Variants in SMYD1 observed in about 807,000 individuals in gnomAD.
SMYD1 encodes the protein SET and MYND domain containing 1, also known as histone-lysine N-methyltransferase SMYD1.
A neutral mutation model predicts 54.0 loss-of-function variants in SMYD1; 49 were observed. That is an observed-to-expected ratio of 0.91 (90% CI 0.72 to 1.15). SMYD1 has a LOEUF of 1.15. Ranked by LOEUF, SMYD1 falls within the 50% of genes most tolerant of loss-of-function variation. The probability of loss-of-function intolerance (pLI) is 0.00; values close to 1 mark genes in which losing one functional copy is unlikely to be tolerated. For synonymous variants in SMYD1, 269 were observed against 234.2 expected (o/e 1.15, Z -1.36); for missense variants, 653 against 639.6 (o/e 1.02, Z -0.23).
At chr2:88,098,582 T>C (rs1200275017) in intron 6 of SMYD1, among the ~76,000 whole-genome samples, 1 of 152,126 alleles carries the variant, frequency 6.6e-6, no homozygotes, top group Non-Finnish European at 1.5e-5. Flanking sequence ...ATTGAGTATA[T>C]CTTTTTAAAA....
At position 88,084,784 on chromosome 2, in the gene SMYD1, C is replaced by T. The variant is rs539253346; in HGVS notation, c.314+292C>T. Among the ~76,000 whole-genome samples, 6 of 152,252 alleles carry T rather than the reference C, an allele frequency of 3.9e-5. No individual in the cohort carries two copies. The East Asian group carries it at 1.2e-3, about 30-fold the overall frequency. On this transcript the variant is annotated intron_variant, in intron 2 of 9. Transcript: ENST00000419482. ...AGGTATTTTGGATACAGGGTCTGCT[C>T]TGTTGCCCAGGTTGGAGTGGAGGGG...
intron 1 of SMYD1, among the ~76,000 whole-genome samples, chr2:88,084,064 C>T (rs963756051): frequency 2.0e-5 from 3 of 151,956 alleles, no homozygotes; most frequent in Admixed American, 2.0e-4. Context: ...GAGCTGAGAT[C>T]GTGCCATTGC....
chr2:88,107,388 T>G (rs1674901562), intron 8 of SMYD1, among the ~76,000 whole-genome samples: 1 of 152,190 alleles, frequency 6.6e-6, no homozygotes, highest in South Asian at 2.1e-4. Context: ...AAGGAAGCCC[T>G]GCAAAAGGGT....
chr2:88,092,403 T>C (rs1405487681), intron 4 of SMYD1, among the ~76,000 whole-genome samples: 1 of 152,152 alleles, frequency 6.6e-6, no homozygotes, highest in Non-Finnish European at 1.5e-5. Context: ...GCAATATTAA[T>C]TGCTTTTGCT....
At chr2:88,091,827 G>T (rs1209973882) in intron 4 of SMYD1, among the ~76,000 whole-genome samples, 1 of 152,216 alleles carries the variant, frequency 6.6e-6, no homozygotes, top group South Asian at 2.1e-4. Context: ...TCATGCCACT[G>T]CACTCCAGCT....
At chr2:88,068,565 A>T (rs550281099) in intron 1 of SMYD1, among the ~76,000 whole-genome samples, 14 of 150,484 alleles carry the variant, frequency 9.3e-5, no homozygotes, top group Non-Finnish European at 1.9e-4. Flanking sequence ...GTGCTATTAC[A>T]TACATATATC....
rs758256246 is a variant in SMYD1 at position 88,067,825 on chromosome 2, A to G, written c.-40A>G. 9.4e-6 allele frequency: 15 copies of G among 1,597,768 alleles called. No homozygotes were observed. The highest frequency in any genetic ancestry group is 5.1e-6 in the Non-Finnish European group (6 of 1,171,758). On this transcript the variant is annotated 5_prime_UTR_variant, in exon 1 of 10. Transcript: ENST00000419482. ...ATAGCAATGACAAGAGACTTGGCTCAGTGTTAAATAACTGCCGCGCTGGCC... is the reference window on the plus strand; with the variant it reads ...ATAGCAATGACAAGAGACTTGGCTCGGTGTTAAATAACTGCCGCGCTGGCC...
chr2:88,080,805 TA>T (rs1674171911), intron 1 of SMYD1, among the ~76,000 whole-genome samples: 1 of 152,176 alleles, frequency 6.6e-6, no homozygotes, highest in African/African-American at 2.4e-5. Flanking sequence ...TTTGGAATGC[TA>T]CCTTGAAAAC....
In SMYD1 at chr2:88,103,216, A is replaced by AG. The variant is rs1024715260; in HGVS notation, c.981+69dup. The AG allele has an allele frequency of 7.1e-5, 78 of 1,092,188 alleles. No individual in the cohort carries two copies. In the African/African-American group the frequency reaches 1.2e-3, roughly 17 times the overall value. 67.7% of individuals were successfully genotyped at this position (1,092,188 alleles called of 1,614,324 possible). ...GGGTGGAAACATTCTCCAGTAAGGG[A>AG]GGGAAGTGGCGTGAGAACGGGCGGC... On this transcript the variant is annotated intron_variant, in intron 7 of 9. Transcript: ENST00000419482.
chr2:88,107,223 A>G (rs1264662815), intron 8 of SMYD1, among the ~76,000 whole-genome samples: 2 of 152,092 alleles, frequency 1.3e-5, no homozygotes, highest in Non-Finnish European at 2.9e-5. Flanking sequence ...GTAAAATTCA[A>G]TTCCCTTGCC....
chr2:88,091,689 A>C (rs1019180890), intron 4 of SMYD1, among the ~76,000 whole-genome samples: 4 of 152,166 alleles, frequency 2.6e-5, no homozygotes. Context: ...ATCTATAAAA[A>C]ATAAATAAAT....
In SMYD1 at chr2:88,085,417, C is replaced by T. The variant is rs115201580; in HGVS notation, c.314+925C>T. ...CAGTGCTGGGCTGCAGGGAGATGCT[C>T]AGGAAGCCAGCACTGCAGAGCAAAG... On this transcript the variant is annotated intron_variant, in intron 2 of 9. Transcript: ENST00000419482. Among the ~76,000 whole-genome samples, 652 of 152,268 alleles carry T rather than the reference C, an allele frequency of 4.3e-3. 7 individuals carry two copies. Among genetic ancestry groups the T allele is most frequent in the African/African-American group, 0.015 (628 of 41,558 alleles).
chr2:88,096,221 G>A (rs1455285112), intron 5 of SMYD1, among the ~76,000 whole-genome samples: 1 of 152,162 alleles, frequency 6.6e-6, no homozygotes, highest in African/African-American at 2.4e-5. Flanking sequence ...TTTCTTGTTT[G>A]GAGTTTTTGC....
chr2:88,075,375 G>C (rs1674036152), intron 1 of SMYD1, among the ~76,000 whole-genome samples: 1 of 152,032 alleles, frequency 6.6e-6, no homozygotes, highest in African/African-American at 2.4e-5. Context: ...AATTGAGGGG[G>C]GTGCTTCAGC....
rs758243564 is a variant in SMYD1, at chr2:88,096,772, A to T, written c.876A>T (p.Lys292Asn). 2.5e-6 allele frequency: 4 copies of T among 1,613,374 alleles called. No homozygotes were observed. In the Admixed American group the frequency reaches 5.0e-5, roughly 20 times the overall value. Residue 292 changes from lysine to asparagine, a missense_variant, in exon 6 of 10, where the codon AAA (lysine) becomes AAT (asparagine). By Grantham distance (94) the Lys-to-Asn change is moderately conservative (BLOSUM62 0). Transcript: ENST00000419482. ...KLKDDLFLGV[K>N]DNPKPSQEVV... ...AGGATGACCTCTTCCTGGGGGTGAA[A>T]GACAACCCCAAGGTACACACAGCCC...
At chr2:88,090,793 G>A (rs1319239131) in intron 3 of SMYD1, among the ~76,000 whole-genome samples, 1 of 152,188 alleles carries the variant, frequency 6.6e-6, no homozygotes, top group East Asian at 1.9e-4. Flanking sequence ...TTTCAAGGTA[G>A]GGCTGCATTT....
chr2:88,100,064 C>G (rs187160550), intron 6 of SMYD1, among the ~76,000 whole-genome samples: 16 of 151,934 alleles, frequency 1.1e-4, no homozygotes, highest in East Asian at 7.8e-4. Context: ...CTCCTCCCCC[C>G]CTCTTCCTCC....
rs538751929 is a variant in SMYD1 at position 88,110,513 on chromosome 2, G to A, written c.*1G>A. On this transcript the variant is annotated 3_prime_UTR_variant, in exon 10 of 10. Transcript: ENST00000419482. ...AGCTCTGTTCCACAAGAAGCAATGA[G>A]GACTGCCCAGTGGAGGAGGGGCGAT... 5 of 1,570,950 alleles carry A rather than the reference G, an allele frequency of 3.2e-6. No individual in the cohort carries two copies. In the East Asian group the frequency reaches 1.2e-4, roughly 36 times the overall value.
intron 6 of SMYD1, among the ~76,000 whole-genome samples, chr2:88,098,425 A>G (rs577628126): frequency 2.0e-5 from 3 of 152,240 alleles, no homozygotes; most frequent in East Asian, 3.9e-4. Context: ...CAGAGTTGGC[A>G]TTTCTCTTGA....
Sources: gnomAD v4.1 joint callset for allele counts (sites outside exome capture counted in the v4.1 genomes callset) on GRCh38, gnomAD v4.1.1 for gene constraint, MANE v1.5 for transcripts, NCBI Gene and HGNC (gene_info 2026-07-23, HGNC 2026-07-21) for gene names.